The following MAPKAP1 variants were observed in gnomAD, a reference collection of about 807,000 sequenced individuals.
MAPKAP1 encodes target of rapamycin complex 2 subunit MAPKAP1.
Under a neutral mutation model 65.7 loss-of-function variants are expected in MAPKAP1, and 20 were observed. The ratio of observed to expected loss-of-function variants is 0.30; its 90% confidence interval spans 0.21 to 0.44. MAPKAP1 has a LOEUF of 0.44. Among genes scored for constraint, MAPKAP1 ranks in the 20% least tolerant of loss-of-function variants. The pLI, the probability that MAPKAP1 is intolerant of heterozygous loss-of-function variation, is 1.00. For synonymous variants in MAPKAP1, 222 were observed against 244.3 expected, an observed-to-expected ratio of 0.91 and a Z score of 0.85; for missense variants, 423 against 648.0, an observed-to-expected ratio of 0.65 and a Z score of 3.77.
chr9:125,548,468 G>A (rs1830493436), intron 6 of MAPKAP1, among the ~76,000 whole-genome samples: 1 of 152,174 alleles, frequency 6.6e-6, no homozygotes, highest in South Asian at 2.1e-4. Context: ...CCAGAAGGCA[G>A]CAGAGCACAG....
At chr9:125,622,726 G>C (rs1051844360) in intron 4 of MAPKAP1, among the ~76,000 whole-genome samples, 11 of 151,894 alleles carry the variant, frequency 7.2e-5, no homozygotes, top group African/African-American at 2.2e-4. Flanking sequence ...TTACAGGCAT[G>C]AGCCACTACA....
At chr9:125,682,023 A>C (rs942162703) in intron 1 of MAPKAP1, among the ~76,000 whole-genome samples, 1 of 152,232 alleles carries the variant, frequency 6.6e-6, no homozygotes, top group African/African-American at 2.4e-5. Context: ...TGGCATCCCA[A>C]AGAGTTGGGA....
intron 6 of MAPKAP1, among the ~76,000 whole-genome samples, chr9:125,558,686 G>A (rs1293265365): frequency 6.6e-6 from 1 of 152,082 alleles, no homozygotes; most frequent in South Asian, 2.1e-4. Flanking sequence ...GACTGCTGAG[G>A]CCTAGGTTGA....
chr9:125,503,102 T>C (rs1008256179), intron 8 of MAPKAP1, among the ~76,000 whole-genome samples: 2 of 152,198 alleles, frequency 1.3e-5, no homozygotes, highest in Non-Finnish European at 2.9e-5. Flanking sequence ...TCTTTCTCCA[T>C]CCTTTTACTT....
chr9:125,568,530 C>A (rs1831131360), intron 5 of MAPKAP1, among the ~76,000 whole-genome samples: 1 of 152,142 alleles, frequency 6.6e-6, no homozygotes, highest in Non-Finnish European at 1.5e-5. Context: ...TCCTTCTGTA[C>A]TTTTCCTTTC....
intron 1 of MAPKAP1, among the ~76,000 whole-genome samples, chr9:125,687,280 T>C (rs1835012277): frequency 6.6e-6 from 1 of 152,052 alleles, no homozygotes; most frequent in African/African-American, 2.4e-5. Context: ...AAAGGCACAG[T>C]GTTTTGCCAC....
intron 11 of MAPKAP1, among the ~76,000 whole-genome samples, chr9:125,441,392 TCTC>T (rs1852476946): frequency 6.6e-6 from 1 of 152,130 alleles, no homozygotes; most frequent in African/African-American, 2.4e-5. Context: ...TGGGCCTCCA[TCTC>T]CTCTTCTATA....
intron 4 of MAPKAP1, among the ~76,000 whole-genome samples, chr9:125,590,655 A>G (rs1326601426): frequency 6.7e-6 from 1 of 150,130 alleles, no homozygotes; most frequent in East Asian, 1.9e-4. Flanking sequence ...CGTCTCAAGA[A>G]AAAAAAAGGG....
chr9:125,545,313 T>C (rs1830392283), intron 6 of MAPKAP1, among the ~76,000 whole-genome samples: 1 of 152,258 alleles, frequency 6.6e-6, no homozygotes, highest in Non-Finnish European at 1.5e-5. Context: ...AAGTGCCTTG[T>C]GCATTTATAA....
intron 4 of MAPKAP1, among the ~76,000 whole-genome samples, chr9:125,591,175 T>C (rs768968312): frequency 6.6e-6 from 1 of 152,230 alleles, no homozygotes; most frequent in Non-Finnish European, 1.5e-5. Flanking sequence ...TCAAACCTCA[T>C]GTCAGCCTGA....
intron 9 of MAPKAP1, among the ~76,000 whole-genome samples, chr9:125,470,537 A>G (rs1464104781): frequency 1.3e-5 from 2 of 152,242 alleles, no homozygotes; most frequent in African/African-American, 2.4e-5. Flanking sequence ...TTTATCATGT[A>G]AAGTACACTT....
chr9:125,442,570 G>A (rs2132921288), intron 11 of MAPKAP1, among the ~76,000 whole-genome samples: 1 of 151,954 alleles, frequency 6.6e-6, no homozygotes, highest in Non-Finnish European at 1.5e-5. Flanking sequence ...CCCCTATCGG[G>A]GTAATGGAAT....
chr9:125,504,675 C>A (rs1829086277), intron 8 of MAPKAP1, among the ~76,000 whole-genome samples: 1 of 152,042 alleles, frequency 6.6e-6, no homozygotes, highest in South Asian at 2.1e-4. Flanking sequence ...TGCCTGTAAT[C>A]CCAGTTACTT....
chr9:125,680,020 A>G (rs1455844642), intron 1 of MAPKAP1, among the ~76,000 whole-genome samples: 1 of 151,928 alleles, frequency 6.6e-6, no homozygotes, highest in African/African-American at 2.4e-5. Context: ...CTCCCACACT[A>G]TTATTGTACT....
chr9:125,631,475 C>T (rs1211991383), intron 4 of MAPKAP1, among the ~76,000 whole-genome samples: 2 of 152,290 alleles, frequency 1.3e-5, no homozygotes, highest in South Asian at 2.1e-4. Context: ...ATGCCCCACC[C>T]GGTTCCTAGT....
intron 8 of MAPKAP1, among the ~76,000 whole-genome samples, chr9:125,504,175 G>A (rs1430404623): frequency 6.6e-6 from 1 of 152,140 alleles, no homozygotes; most frequent in African/African-American, 2.4e-5. Context: ...CTCCAGCAAT[G>A]AGGACTCCCT....
chr9:125,647,932 ATC>A (rs1050500448), intron 4 of MAPKAP1, among the ~76,000 whole-genome samples: 23 of 119,764 alleles, frequency 1.9e-4, no homozygotes, highest in African/African-American at 7.6e-4. Flanking sequence ...CAGTCCCAAT[ATC>A]TTTTTTTTTT....
chr9:125,460,094 C>A (rs1390176441), intron 10 of MAPKAP1, among the ~76,000 whole-genome samples: 7 of 152,110 alleles, frequency 4.6e-5, no homozygotes, highest in African/African-American at 1.7e-4. Context: ...TAGGGAACAG[C>A]CCCTGCCCTT....
intron 7 of MAPKAP1, among the ~76,000 whole-genome samples, chr9:125,534,364 T>C (rs934750518): frequency 2.6e-5 from 4 of 152,234 alleles, no homozygotes; most frequent in Non-Finnish European, 5.9e-5. Flanking sequence ...TTAAAAAATA[T>C]CTTTAAATGC....
Sources: gnomAD v4.1 joint callset for allele counts (sites outside exome capture counted in the v4.1 genomes callset) on GRCh38, gnomAD v4.1.1 for gene constraint, MANE v1.5 for transcripts, NCBI Gene and HGNC (gene_info 2026-07-23, HGNC 2026-07-21) for gene names.